Variants in LRRC1 observed in about 807,000 individuals in gnomAD.
The protein encoded by LRRC1 is leucine-rich repeat-containing protein 1.
LRRC1 carries 28 observed loss-of-function variants against 69.9 expected under a neutral mutation model. That is an observed-to-expected ratio of 0.40 (90% CI 0.30 to 0.55). The LOEUF is 0.55. Ranked by LOEUF, LRRC1 falls within the 20% of genes least tolerant of loss-of-function variation. The pLI, the probability that LRRC1 is intolerant of heterozygous loss-of-function variation, is 0.47. For synonymous variants in LRRC1, 236 were observed against 240.2 expected (o/e 0.98, Z 0.16); for missense variants, 498 against 609.0 (o/e 0.82, Z 1.92).
intron 1 of LRRC1, among the ~76,000 whole-genome samples, chr6:53,832,554 A>G (rs899058123): frequency 5.3e-5 from 8 of 152,238 alleles, no homozygotes; most frequent in African/African-American, 1.9e-4. Flanking sequence ...AATATAAAAA[A>G]CACTGTAATA....
intron 2 of LRRC1, among the ~76,000 whole-genome samples, chr6:53,872,604 G>A (rs1206438447): frequency 1.3e-5 from 2 of 151,764 alleles, no homozygotes; most frequent in African/African-American, 4.8e-5. Context: ...CATTACTTTG[G>A]CTTTTTGGGG....
At chr6:53,861,496 G>A (rs1304792980) in intron 2 of LRRC1, among the ~76,000 whole-genome samples, 2 of 150,308 alleles carry the variant, frequency 1.3e-5, no homozygotes, top group South Asian at 2.1e-4. Flanking sequence ...TGAATCAGTC[G>A]CTGGGAGTGG....
intron 2 of LRRC1, among the ~76,000 whole-genome samples, chr6:53,870,557 G>C (rs1335028434): frequency 2.0e-5 from 3 of 152,102 alleles, no homozygotes; most frequent in African/African-American, 7.2e-5. Context: ...CAGTGTTTTT[G>C]ATACATTTAT....
chr6:53,864,765 A>C (rs903506696), intron 2 of LRRC1, among the ~76,000 whole-genome samples: 1 of 152,012 alleles, frequency 6.6e-6, no homozygotes, highest in Non-Finnish European at 1.5e-5. Context: ...GAAGTAATTC[A>C]TTCCCCTTTG....
chr6:53,888,530 G>A (rs563452184), intron 4 of LRRC1, among the ~76,000 whole-genome samples: 2 of 152,158 alleles, frequency 1.3e-5, no homozygotes, highest in Admixed American at 1.3e-4. Flanking sequence ...TCGACAAGTC[G>A]ATCTACAGAC....
chr6:53,915,239 G>A (rs1331019241), intron 11 of LRRC1, among the ~76,000 whole-genome samples: 1 of 152,262 alleles, frequency 6.6e-6, no homozygotes, highest in East Asian at 1.9e-4. Context: ...TCAGGCACGG[G>A]TCACCATTTT....
At chr6:53,888,925 C>G (rs931796205) in intron 4 of LRRC1, among the ~76,000 whole-genome samples, 1 of 152,094 alleles carries the variant, frequency 6.6e-6, no homozygotes, top group Non-Finnish European at 1.5e-5. Context: ...AAAGACAACC[C>G]ACAGAATGGG....
chr6:53,913,935 A>G lies in LRRC1; in HGVS notation c.1072A>G (p.Thr358Ala). Residue 358 changes from threonine to alanine, a missense_variant, in exon 11 of 14, where the codon ACA (threonine) becomes GCA (alanine). This residue lies in a region of LRRC1 where 266 missense variants were observed against 383.9 expected (regional missense o/e 0.69). Coordinates refer to ENST00000370888, the MANE Select transcript of LRRC1 (RefSeq NM_018214.5). The stretch of plus-strand genomic sequence containing the variant: ...GATACCTGCAGAGGTGTCACAGGCA[A>G]CAGAACTTCATGTCCTGGATGTGGC... ...TRIPAEVSQA[T>A]ELHVLDVAGN... The G allele has an allele frequency of 6.2e-7, 1 of 1,612,522 alleles. No homozygotes were observed. Among genetic ancestry groups the G allele is most frequent in the Non-Finnish European group, 8.5e-7 (1 of 1,178,662 alleles).
At chr6:53,871,800 C>T (rs528307726) in intron 2 of LRRC1, among the ~76,000 whole-genome samples, 66 of 152,072 alleles carry the variant, frequency 4.3e-4, no homozygotes, top group South Asian at 1.5e-3. Context: ...CCTGAGTAGC[C>T]GGGATTACAG....
intron 1 of LRRC1, among the ~76,000 whole-genome samples, chr6:53,828,169 C>A (rs201387772): frequency 8.0e-3 from 1,080 of 134,682 alleles, no homozygotes; most frequent in Non-Finnish European, 9.2e-3. Flanking sequence ...GTTCAAAGGC[C>A]AAAAAAAAAA....
rs549672477 is a variant in LRRC1 at position 53,848,853 on chromosome 6, G to T, written c.277+6626G>T. 5.9e-5 allele frequency among the ~76,000 whole-genome samples: 9 copies of T among 152,100 alleles called. No homozygotes were observed. The South Asian group carries it at 1.9e-3, about 32-fold the overall frequency. Reference sequence around the variant, plus strand: ...GCTCACGGCAACCTCTGCCTCCCAGGTTCAAGTGATTCTCCTGCCTCAGTC... The same window carrying T: ...GCTCACGGCAACCTCTGCCTCCCAGTTTCAAGTGATTCTCCTGCCTCAGTC... On this transcript the variant is annotated intron_variant, in intron 2 of 13. Transcript: ENST00000370888.
chr6:53,921,114 C>T, intron 13 of LRRC1, among the ~76,000 whole-genome samples: 1 of 151,960 alleles, frequency 6.6e-6, no homozygotes, highest in Non-Finnish European at 1.5e-5. Context: ...ACTGCAGGCA[C>T]CTGCCACCAT....
At chr6:53,838,549 T>C (rs1279331372) in intron 1 of LRRC1, among the ~76,000 whole-genome samples, 1 of 152,258 alleles carries the variant, frequency 6.6e-6, no homozygotes, top group Non-Finnish European at 1.5e-5. Flanking sequence ...TTTGCTATTA[T>C]GCCTTTCCTA....
chr6:53,796,064 C>G (rs1436960533), intron 1 of LRRC1, among the ~76,000 whole-genome samples: 2 of 152,232 alleles, frequency 1.3e-5, no homozygotes, highest in African/African-American at 2.4e-5. Flanking sequence ...GCCGGCCGCC[C>G]GGGCCTTGCC....
rs925767409 is a variant in LRRC1, at chr6:53,866,765, A to G, written c.278-12228A>G. Among the ~76,000 whole-genome samples, 6 of 152,170 alleles carry G rather than the reference A, an allele frequency of 3.9e-5. 1 individual carries two copies. The highest frequency in any genetic ancestry group is 1.4e-4 in the African/African-American group (6 of 41,394). ...TTGATAAAGATTATTCATACTAAAG[A>G]ATTAAATAGGGTTAGATTTTTAAAG... On this transcript the variant is annotated intron_variant, in intron 2 of 13. Transcript: ENST00000370888.
At position 53,868,361 on chromosome 6, in the gene LRRC1, A is replaced by T. The variant is rs565347370; in HGVS notation, c.278-10632A>T. 1.1e-3 allele frequency among the ~76,000 whole-genome samples: 173 copies of T among 151,896 alleles called. 1 individual carries two copies. Among genetic ancestry groups the T allele is most frequent in the Non-Finnish European group, 1.7e-3 (118 of 67,994 alleles). ...CTCAGCTTCCCGAGAAGTAGCTGGG[A>T]TTACAGGCATGCACCACGATGCCCA... On this transcript the variant is annotated intron_variant, in intron 2 of 13. Coordinates refer to ENST00000370888, the MANE Select transcript of LRRC1 (RefSeq NM_018214.5).
chr6:53,816,090 T>C (rs1371071966), intron 1 of LRRC1, among the ~76,000 whole-genome samples: 2 of 152,228 alleles, frequency 1.3e-5, no homozygotes, highest in Non-Finnish European at 1.5e-5. Context: ...GTGAGCTCTT[T>C]TGGCAAACGC....
intron 1 of LRRC1, among the ~76,000 whole-genome samples, chr6:53,835,425 G>C (rs1041133953): frequency 7.2e-5 from 11 of 152,110 alleles, no homozygotes; most frequent in African/African-American, 2.7e-4. Context: ...TTTTTCACAA[G>C]AAAACAAGAG....
At chr6:53,801,699 G>A (rs928416525) in intron 1 of LRRC1, among the ~76,000 whole-genome samples, 5 of 152,140 alleles carry the variant, frequency 3.3e-5, no homozygotes, top group Non-Finnish European at 5.9e-5. Flanking sequence ...TTTGTCTGGG[G>A]TTAGTGGAGA....
Sources: gnomAD v4.1 joint callset for allele counts (sites outside exome capture counted in the v4.1 genomes callset) on GRCh38, gnomAD v4.1.1 for gene constraint, gnomAD v4.1.1 regional missense constraint, MANE v1.5 for transcripts, NCBI Gene and HGNC (gene_info 2026-07-23, HGNC 2026-07-21) for gene names.